Variants in IL1RAPL1 observed in about 807,000 individuals in gnomAD.
IL1RAPL1 encodes interleukin 1 receptor accessory protein like 1, also known as interleukin-1 receptor accessory protein-like 1.
Under a neutral mutation model 48.4 loss-of-function variants are expected in IL1RAPL1, and 3 were observed. The ratio of observed to expected loss-of-function variants is 0.06; its 90% CI spans 0.03 to 0.16. IL1RAPL1 has a LOEUF of 0.16. IL1RAPL1 is among the 10% of genes least tolerant of loss of function. The pLI is 1.00. For synonymous variants in IL1RAPL1, 185 were observed against 187.7 expected, an observed-to-expected ratio of 0.99 and a Z score of 0.12; for missense variants, 349 against 530.6, an observed-to-expected ratio of 0.66 and a Z score of 3.36.
chrX:29,935,119 T>C (rs1194766168), intron 8 of IL1RAPL1, among the ~76,000 whole-genome samples: 1 of 110,776 alleles, frequency 9.0e-6, no homozygotes, highest in Non-Finnish European at 1.9e-5. Flanking sequence ...TATGTGTTTC[T>C]GGCTATAATA....
chrX:28,904,914 A>G (rs1348003182), intron 2 of IL1RAPL1, among the ~76,000 whole-genome samples: 1 of 112,114 alleles, frequency 8.9e-6, no homozygotes, highest in Non-Finnish European at 1.9e-5. Context: ...GTAAAATCAT[A>G]TATCGTAACT....
intron 3 of IL1RAPL1, among the ~76,000 whole-genome samples, chrX:29,319,554 G>GTATCTATCTATCTATCTATC: frequency 1.2e-5 from 1 of 84,970 alleles, no homozygotes; most frequent in East Asian, 3.5e-4. Flanking sequence ...ATGTATGTAT[G>GTATCTATCTATCTATCTATC]TATGTATCTA....
chrX:29,586,835 T>C (rs1333108385), intron 5 of IL1RAPL1, among the ~76,000 whole-genome samples: 1 of 111,706 alleles, frequency 9.0e-6, no homozygotes, highest in East Asian at 2.8e-4. Context: ...TTAGATATTT[T>C]GTTTGTTAGT....
chrX:28,703,604 C>T (rs1052281970), intron 1 of IL1RAPL1, among the ~76,000 whole-genome samples: 1 of 111,180 alleles, frequency 9.0e-6, no homozygotes, highest in Non-Finnish European at 1.9e-5. Flanking sequence ...GTGATAATCA[C>T]CCCAAAGTTG....
chrX:29,435,352 T>G (rs1028876045), intron 5 of IL1RAPL1, among the ~76,000 whole-genome samples: 3 of 111,242 alleles, frequency 2.7e-5, no homozygotes, highest in African/African-American at 9.7e-5. Flanking sequence ...AGGTAACTGT[T>G]TAACTTCCTG....
chrX:28,684,879 C>T (rs1212328228), intron 1 of IL1RAPL1, among the ~76,000 whole-genome samples: 1 of 111,827 alleles, frequency 8.9e-6, no homozygotes, highest in Admixed American at 9.5e-5. Flanking sequence ...ATTAATCTCA[C>T]ATTGATAAGT....
intron 3 of IL1RAPL1, among the ~76,000 whole-genome samples, chrX:29,384,660 C>T (rs1356540497): frequency 8.9e-6 from 1 of 112,500 alleles, no homozygotes; most frequent in Non-Finnish European, 1.9e-5. Context: ...GGCACCCCCT[C>T]ATTCAACTCA....
chrX:28,896,423 C>T (rs752671746), intron 2 of IL1RAPL1, among the ~76,000 whole-genome samples: 1 of 111,619 alleles, frequency 9.0e-6, no homozygotes, highest in Admixed American at 9.5e-5. Flanking sequence ...CTGGGTTTTT[C>T]ATATTTGATG....
intron 5 of IL1RAPL1, among the ~76,000 whole-genome samples, chrX:29,439,165 A>T (rs747330557): frequency 1.9e-4 from 21 of 111,236 alleles, no homozygotes; most frequent in Non-Finnish European, 4.0e-4. Flanking sequence ...AAGGGTCTGG[A>T]GTTTGGCTTG....
At chrX:29,553,525 G>A (rs751563933) in intron 5 of IL1RAPL1, among the ~76,000 whole-genome samples, 1 of 111,751 alleles carries the variant, frequency 8.9e-6, no homozygotes, top group South Asian at 3.7e-4. Flanking sequence ...CCTGGACTGT[G>A]AAACACACTC....
intron 5 of IL1RAPL1, among the ~76,000 whole-genome samples, chrX:29,416,661 G>A: frequency 8.9e-6 from 1 of 111,732 alleles, no homozygotes; most frequent in Middle Eastern, 4.6e-3. Context: ...AAATCCAGCA[G>A]GTAATGAGTT....
intron 3 of IL1RAPL1, among the ~76,000 whole-genome samples, chrX:29,365,156 CT>C (rs1236315920): frequency 9.0e-6 from 1 of 111,385 alleles, no homozygotes; most frequent in Non-Finnish European, 1.9e-5. Flanking sequence ...GGAAAATAGA[CT>C]TAGATGGGTG....
chrX:29,814,491 A>G (rs1466852428), intron 6 of IL1RAPL1, among the ~76,000 whole-genome samples: 1 of 111,637 alleles, frequency 9.0e-6, no homozygotes, highest in Non-Finnish European at 1.9e-5. Context: ...GGCCTTTGTC[A>G]GATGCATAGT....
chrX:29,949,019 G>C (rs1933264429), intron 9 of IL1RAPL1, among the ~76,000 whole-genome samples: 1 of 111,614 alleles, frequency 9.0e-6, no homozygotes, highest in Non-Finnish European at 1.9e-5. Context: ...TGAAAAGTGA[G>C]TCTTCAACCT....
intron 1 of IL1RAPL1, among the ~76,000 whole-genome samples, chrX:28,775,739 T>C (rs1444645985): frequency 8.9e-6 from 1 of 112,681 alleles, no homozygotes; most frequent in Non-Finnish European, 1.9e-5. Context: ...CTCTCACCCT[T>C]ATTCAATCTA....
At chrX:28,974,943 G>A (rs1402562446) in intron 2 of IL1RAPL1, among the ~76,000 whole-genome samples, 2 of 112,348 alleles carry the variant, frequency 1.8e-5, no homozygotes, top group Non-Finnish European at 3.8e-5. Flanking sequence ...AATGGAATGT[G>A]CACACACATT....
At chrX:29,837,402 AG>A (rs1413904516) in intron 6 of IL1RAPL1, among the ~76,000 whole-genome samples, 1 of 107,534 alleles carries the variant, frequency 9.3e-6, no homozygotes, top group African/African-American at 3.4e-5. Context: ...GAATTATGAC[AG>A]GCAATTAACA....
chrX:29,120,322 T>G (rs1015208943), intron 2 of IL1RAPL1, among the ~76,000 whole-genome samples: 2 of 111,980 alleles, frequency 1.8e-5, no homozygotes, highest in African/African-American at 6.5e-5. Flanking sequence ...TTATATATGG[T>G]GAAAGACAGG....
intron 2 of IL1RAPL1, among the ~76,000 whole-genome samples, chrX:29,070,078 T>A (rs1927533805): frequency 8.9e-6 from 1 of 112,061 alleles, no homozygotes; most frequent in Non-Finnish European, 1.9e-5. Context: ...TATATGGGAA[T>A]CTCTTAAAAT....
Sources: gnomAD v4.1 joint callset for allele counts (sites outside exome capture counted in the v4.1 genomes callset) on GRCh38, gnomAD v4.1.1 for gene constraint, MANE v1.5 for transcripts, NCBI Gene and HGNC (gene_info 2026-07-23, HGNC 2026-07-21) for gene names.